Variants in LRRC7 observed in about 807,000 individuals in gnomAD.
The protein encoded by LRRC7 is leucine rich repeat containing 7.
In LRRC7, 23 loss-of-function variants were observed where a neutral mutation model predicts 175.7. The ratio of observed to expected loss-of-function variants is 0.13; its 90% CI spans 0.09 to 0.19. The LOEUF is 0.19. Ranked by LOEUF, LRRC7 falls within the 10% of genes least tolerant of loss-of-function variation. LRRC7 has a pLI of 1.00. For missense variants in LRRC7, 1,354 were observed against 1,904.7 expected (o/e 0.71, Z 5.38); for synonymous variants, 685 against 680.9 (o/e 1.01, Z -0.09).
chr1:69,861,501 A>C (rs749742004), intron 7 of LRRC7, among the ~76,000 whole-genome samples: 1 of 152,202 alleles, frequency 6.6e-6, no homozygotes, highest in East Asian at 1.9e-4. Context: ...CTACATTTTG[A>C]GTCCTGCTGA....
At chr1:69,816,320 G>C (rs66462709) in intron 4 of LRRC7, among the ~76,000 whole-genome samples, 1 of 152,016 alleles carries the variant, frequency 6.6e-6, no homozygotes, top group African/African-American at 2.4e-5. Flanking sequence ...ATTCATGAAG[G>C]CTCTGCTATC....
rs1468813012 is a variant in LRRC7, at chr1:70,129,372, C to G, written c.*7485C>G. Among the ~76,000 whole-genome samples the G allele has an allele frequency of 5.9e-5, 9 of 152,102 alleles. No individual in the cohort carries two copies. Among genetic ancestry groups the G allele is most frequent in the Admixed American group, 5.9e-4 (9 of 15,280 alleles). On this transcript the variant is annotated 3_prime_UTR_variant, in exon 27 of 27. Transcript: ENST00000651989. Reference sequence around the variant, plus strand: ...CTTGCTAGACAAGATAAATAGCAACCAGAATCTCTTGAATCTCTGGAAGAG... The same window carrying G: ...CTTGCTAGACAAGATAAATAGCAACGAGAATCTCTTGAATCTCTGGAAGAG...
At chr1:69,596,590 A>T (rs1202891711) in intron 1 of LRRC7, among the ~76,000 whole-genome samples, 1 of 152,260 alleles carries the variant, frequency 6.6e-6, no homozygotes, top group Non-Finnish European at 1.5e-5. Context: ...ATACATGTTA[A>T]GCTTTAAGTG....
Position 70,062,024 on chromosome 1 carries a change from A to G in LRRC7, c.4230+8879A>G, listed in dbSNP as rs532879847. On this transcript the variant is annotated intron_variant, in intron 23 of 26. Transcript: ENST00000651989. ...TAGGTAGATGAAAATTATACCTTAT[A>G]GAACTTTTGATTAGTGGTCATTTAC... Among the ~76,000 whole-genome samples, 32 of 152,296 alleles carry G rather than the reference A, an allele frequency of 2.1e-4. No individual in the cohort carries two copies. In the South Asian group the frequency reaches 5.6e-3, roughly 27 times the overall value.
chr1:70,134,152 A>C lies in LRRC7; in HGVS notation c.*12265A>C, dbSNP rs1666779179. Among the ~76,000 whole-genome samples the C allele has an allele frequency of 6.6e-6, 1 of 152,224 alleles. No homozygotes were observed. Among genetic ancestry groups the C allele is most frequent in the African/African-American group, 2.4e-5 (1 of 41,466 alleles). On this transcript the variant is annotated 3_prime_UTR_variant, in exon 27 of 27. Transcript: ENST00000651989. The stretch of plus-strand genomic sequence containing the variant: ...CAGATTTTATTTTATTATGAAGTGA[A>C]TAAGAAATGTATTTCGAAATGTATT...
In LRRC7 at chr1:69,980,468, A is replaced by G; in HGVS notation, c.786+15A>G. The G allele has an allele frequency of 1.3e-6, 2 of 1,550,004 alleles. No homozygotes were observed. Among genetic ancestry groups the G allele is most frequent in the Non-Finnish European group, 1.8e-6 (2 of 1,126,668 alleles). Reference sequence around the variant, plus strand: ...TGTTACCTGGGGTATGTAAGTTTTTATTCTACCATGTTGTTTAATATTTGT... The same window carrying G: ...TGTTACCTGGGGTATGTAAGTTTTTGTTCTACCATGTTGTTTAATATTTGT... On this transcript the variant is annotated intron_variant, in intron 9 of 26. Coordinates refer to ENST00000651989, the MANE Select transcript of LRRC7 (RefSeq NM_001370785.2).
At chr1:70,043,054 A>G (rs1396976791) in intron 21 of LRRC7, among the ~76,000 whole-genome samples, 2 of 152,090 alleles carry the variant, frequency 1.3e-5, no homozygotes, top group African/African-American at 4.8e-5. Context: ...CAATGATTAC[A>G]TTTCCATTGT....
rs1391179641 is a variant in LRRC7 at position 70,142,999 on chromosome 1, C to G, written c.*21112C>G. On this transcript the variant is annotated 3_prime_UTR_variant, in exon 27 of 27. Coordinates refer to ENST00000651989, the MANE Select transcript of LRRC7 (RefSeq NM_001370785.2). ...TTTGGGGCATAATCCTTTTACTACT[C>G]TATAAAGAAGTTCTACTTCTACCTA... The G allele has an allele frequency of 6.6e-6, 1 of 152,082 alleles. No individual in the cohort carries two copies. The highest frequency in any genetic ancestry group is 1.5e-5 in the Non-Finnish European group (1 of 67,970). 9.4% of individuals were successfully genotyped at this position (152,082 alleles called of 1,614,324 possible). A position where few individuals can be genotyped will look rare whatever the true frequency, so the allele number is the denominator to read the frequency against.
chr1:69,877,803 A>G (rs1178321334), intron 7 of LRRC7, among the ~76,000 whole-genome samples: 1 of 152,170 alleles, frequency 6.6e-6, no homozygotes, highest in Non-Finnish European at 1.5e-5. Flanking sequence ...CACTTAGCAT[A>G]ACACTTAGCA....
intron 23 of LRRC7, among the ~76,000 whole-genome samples, chr1:70,071,335 AT>A (rs1327813583): frequency 1.3e-5 from 2 of 152,086 alleles, no homozygotes; most frequent in Admixed American, 1.3e-4. Flanking sequence ...CCTTCTCTTT[AT>A]TATTCATAGT....
intron 8 of LRRC7, among the ~76,000 whole-genome samples, chr1:69,978,010 A>G (rs1313526401): frequency 6.6e-6 from 1 of 151,886 alleles, no homozygotes; most frequent in African/African-American, 2.4e-5. Flanking sequence ...CTTCTCCTTC[A>G]TAAGCATAAT....
At chr1:69,775,349 A>G (rs1007774913) in intron 3 of LRRC7, among the ~76,000 whole-genome samples, 1 of 152,212 alleles carries the variant, frequency 6.6e-6, no homozygotes, top group Non-Finnish European at 1.5e-5. Context: ...GCTTATTAGT[A>G]TATGACTTGA....
chr1:69,983,974 G>A (rs541870638), intron 9 of LRRC7, among the ~76,000 whole-genome samples: 2 of 152,100 alleles, frequency 1.3e-5, no homozygotes, highest in South Asian at 2.1e-4. Context: ...TGCCCAGGCT[G>A]GAGTTCAGTG....
intron 2 of LRRC7, among the ~76,000 whole-genome samples, chr1:69,705,178 T>C (rs1263361449): frequency 2.0e-5 from 3 of 152,168 alleles, no homozygotes; most frequent in Non-Finnish European, 2.9e-5. Flanking sequence ...ACTCAGTGTT[T>C]ACAACAACAA....
At chr1:69,745,373 A>G (rs1669142461) in intron 2 of LRRC7, among the ~76,000 whole-genome samples, 1 of 151,980 alleles carries the variant, frequency 6.6e-6, no homozygotes, top group Admixed American at 6.6e-5. Context: ...ACATTCATAT[A>G]CAATACTTTG....
chr1:69,841,898 T>C (rs1450194238), intron 7 of LRRC7, among the ~76,000 whole-genome samples: 1 of 152,090 alleles, frequency 6.6e-6, no homozygotes, highest in Non-Finnish European at 1.5e-5. Flanking sequence ...ATAATCAGAT[T>C]AGTCTTGGAG....
At chr1:69,602,050 TAAG>T (rs1647096003) in intron 1 of LRRC7, among the ~76,000 whole-genome samples, 1 of 152,190 alleles carries the variant, frequency 6.6e-6, no homozygotes, top group Non-Finnish European at 1.5e-5. Flanking sequence ...ACGAGAATCT[TAAG>T]AAGTTGGAAG....
At chr1:69,643,732 T>C (rs1557533950) in intron 1 of LRRC7, among the ~76,000 whole-genome samples, 1 of 152,114 alleles carries the variant, frequency 6.6e-6, no homozygotes, top group African/African-American at 2.4e-5. Context: ...CAGATTACTA[T>C]AGGAAGTTGA....
At chr1:69,807,495 G>T (rs1236005940) in intron 4 of LRRC7, among the ~76,000 whole-genome samples, 1 of 152,048 alleles carries the variant, frequency 6.6e-6, no homozygotes, top group Non-Finnish European at 1.5e-5. Context: ...AGGCCTGGTG[G>T]TGACAAAAAT....
Sources: allele counts gnomAD v4.1 joint callset (sites outside exome capture counted in the v4.1 genomes callset), GRCh38; gene constraint gnomAD v4.1.1; transcripts MANE v1.5; gene names NCBI Gene and HGNC (gene_info 2026-07-23, HGNC 2026-07-21).